Variants in AKT3 observed in about 807,000 individuals in gnomAD.
The protein encoded by AKT3 is RAC-gamma serine/threonine-protein kinase.
A neutral mutation model predicts 65.3 loss-of-function variants in AKT3; 15 were observed. The observed-to-expected ratio is 0.23, with a 90% CI of 0.15 to 0.35. AKT3 has a LOEUF of 0.35. Among genes scored for constraint, AKT3 ranks in the 10% least tolerant of loss-of-function variants. The pLI is 1.00. For synonymous variants in AKT3, 206 were observed against 183.8 expected (o/e 1.12, Z -0.98); for missense variants, 243 against 576.5 (o/e 0.42, Z 5.92).
intron 2 of AKT3, among the ~76,000 whole-genome samples, chr1:243,791,741 A>T (rs1179991920): frequency 6.6e-6 from 1 of 152,182 alleles, no homozygotes; most frequent in African/African-American, 2.4e-5. Context: ...GGAGGAGAGG[A>T]AGAGAAACAT....
intron 2 of AKT3, chr1:243,740,605 T>C (rs1370486298): frequency 6.6e-6 from 1 of 152,250 alleles, no homozygotes; most frequent in Non-Finnish European, 1.5e-5. Flanking sequence ...ACTCATTAGC[T>C]TACCTGTTGT....
At chr1:243,782,116 C>T (rs1690952423) in intron 2 of AKT3, among the ~76,000 whole-genome samples, 1 of 152,136 alleles carries the variant, frequency 6.6e-6, no homozygotes, top group Admixed American at 6.6e-5. Context: ...GCCACTACAC[C>T]CAGCCAACTA....
At chr1:243,608,489 A>C (rs1458399010) in intron 8 of AKT3, among the ~76,000 whole-genome samples, 1 of 152,114 alleles carries the variant, frequency 6.6e-6, no homozygotes, top group African/African-American at 2.4e-5. Context: ...CAAAAACTTG[A>C]TATAAAAAGA....
intron 2 of AKT3, among the ~76,000 whole-genome samples, chr1:243,826,194 A>G (rs1220712231): frequency 6.6e-6 from 1 of 152,194 alleles, no homozygotes; most frequent in Non-Finnish European, 1.5e-5. Flanking sequence ...CAAAATGGCT[A>G]CATTTCAGAA....
intron 2 of AKT3, among the ~76,000 whole-genome samples, chr1:243,768,711 T>C (rs940801137): frequency 3.3e-5 from 5 of 151,844 alleles, no homozygotes; most frequent in African/African-American, 1.2e-4. Flanking sequence ...GGCATGCGCC[T>C]GTAATCCCAC....
chr1:243,695,495 T>C, intron 3 of AKT3, 96 bp downstream of exon 3: 1 of 1,213,622 alleles, frequency 8.2e-7, no homozygotes, highest in Non-Finnish European at 1.1e-6. Flanking sequence ...AAACCCAAAC[T>C]TTTTCACAGG....
chr1:243,732,156 G>A (rs1280621625), intron 2 of AKT3, among the ~76,000 whole-genome samples: 1 of 152,020 alleles, frequency 6.6e-6, no homozygotes, highest in African/African-American at 2.4e-5. Flanking sequence ...TGCAACCAAC[G>A]CAGGATGGCA....
intron 2 of AKT3, among the ~76,000 whole-genome samples, chr1:243,760,265 T>C (rs1246194591): frequency 6.9e-6 from 1 of 145,086 alleles, no homozygotes; most frequent in Non-Finnish European, 1.5e-5. Flanking sequence ...ACTACAGGCA[T>C]GTACCTCTAT....
intron 2 of AKT3, among the ~76,000 whole-genome samples, chr1:243,714,854 G>A: frequency 6.6e-6 from 1 of 152,112 alleles, no homozygotes; most frequent in East Asian, 1.9e-4. Context: ...TAGGGAACAA[G>A]ATTAGTTTAA....
intron 2 of AKT3, among the ~76,000 whole-genome samples, chr1:243,704,423 A>T (rs1685662242): frequency 1.3e-5 from 2 of 152,232 alleles, no homozygotes; most frequent in Middle Eastern, 3.4e-3. Context: ...GGAGAAGAAA[A>T]GGGGATGAGT....
downstream of AKT3, among the ~76,000 whole-genome samples, chr1:243,496,548 G>A (rs192370541): frequency 8.1e-5 from 12 of 148,808 alleles, no homozygotes; most frequent in Non-Finnish European, 1.6e-4. Context: ...GCGGACAGCA[G>A]GGGGGGAAGG....
intron 5 of AKT3, among the ~76,000 whole-genome samples, chr1:243,638,930 A>G (rs1680175397): frequency 6.6e-6 from 1 of 152,160 alleles, no homozygotes; most frequent in South Asian, 2.1e-4. Context: ...TAGAGAAAAA[A>G]TCAGTGAAAC....
chr1:243,642,832 A>G (rs1057037087), intron 5 of AKT3, among the ~76,000 whole-genome samples: 3 of 152,222 alleles, frequency 2.0e-5, no homozygotes, highest in African/African-American at 4.8e-5. Context: ...GACACTGTCT[A>G]GCCCACAAAT....
intron 12 of AKT3, among the ~76,000 whole-genome samples, chr1:243,514,582 A>G (rs1377701885): frequency 6.6e-6 from 1 of 152,190 alleles, no homozygotes; most frequent in African/African-American, 2.4e-5. Context: ...CATCACCAAT[A>G]AAATATAAGT....
intron 3 of AKT3, among the ~76,000 whole-genome samples, chr1:243,666,363 G>A (rs1196462568): frequency 1.3e-5 from 2 of 152,068 alleles, no homozygotes; most frequent in African/African-American, 4.8e-5. Flanking sequence ...AAGGGTCTCT[G>A]CTTAGTTTTC....
intron 2 of AKT3, among the ~76,000 whole-genome samples, chr1:243,809,755 T>C (rs1693004382): frequency 6.6e-6 from 1 of 152,206 alleles, no homozygotes; most frequent in African/African-American, 2.4e-5. Context: ...ACACTACACT[T>C]ATTCCAAAAT....
intron 2 of AKT3, among the ~76,000 whole-genome samples, chr1:243,788,108 A>G (rs1691377834): frequency 6.6e-6 from 1 of 152,138 alleles, no homozygotes; most frequent in African/African-American, 2.4e-5. Flanking sequence ...CAGAGACAAT[A>G]ATCTATTTTT....
chr1:243,675,036 T>C (rs1221864654), intron 3 of AKT3, among the ~76,000 whole-genome samples: 1 of 152,200 alleles, frequency 6.6e-6, no homozygotes, highest in African/African-American at 2.4e-5. Flanking sequence ...TATGTACCAA[T>C]TGCATAGGTC....
At chr1:243,658,836 C>T (rs1682029361) in intron 4 of AKT3, among the ~76,000 whole-genome samples, 1 of 146,988 alleles carries the variant, frequency 6.8e-6, no homozygotes, top group African/African-American at 2.5e-5. Flanking sequence ...CAGACAAGCC[C>T]TGGCAACACA....
Sources: allele counts gnomAD v4.1 joint callset (sites outside exome capture counted in the v4.1 genomes callset), GRCh38; gene constraint gnomAD v4.1.1; transcripts MANE v1.5; gene names NCBI Gene and HGNC (gene_info 2026-07-23, HGNC 2026-07-21).